STAT2: variants seen among roughly 807,000 people sequenced by gnomAD.
STAT2 encodes interferon alpha induced transcriptional activator.
A neutral mutation model predicts 122.3 loss-of-function variants in STAT2; 51 were observed. That is an observed-to-expected ratio of 0.42 (90% confidence interval 0.33 to 0.53). STAT2 has a LOEUF of 0.53. STAT2 is among the 20% of genes least tolerant of loss of function. The pLI is 0.10. For synonymous variants in STAT2, 351 were observed against 394.9 expected (o/e 0.89, Z 1.32); for missense variants, 736 against 1,010.3 (o/e 0.73, Z 3.68).
chr12:56,349,312 G>A, intron 15 of STAT2, 51 bp from the exon 16 acceptor site: 1 of 1,614,064 alleles, frequency 6.2e-7, no homozygotes, highest in Non-Finnish European at 8.5e-7. Context: ...TCTAGCTGCA[G>A]GTATTTGTTA....
In STAT2 at chr12:56,355,292, A is replaced by G. The variant is rs776737985; in HGVS notation, c.531T>C (p.Tyr177=). ...KDQQDVFCFR[Y]KIQAKGKTPS... is the part of the protein sequence containing the mutation. ...GCTTCCTACCTTTGGCCTGGATCTT[A>G]TATCGGAAGCAGAAGACATCCTGCT... Residue 177 remains tyrosine (Y), a synonymous_variant, in exon 6 of 24, where the codon TAT becomes TAC. Transcript: ENST00000314128. 21 of 1,614,142 alleles carry G rather than the reference A, an allele frequency of 1.3e-5. 1 individual carries two copies. In the South Asian group the frequency reaches 1.5e-4, roughly 12 times the overall value.
At chr12:56,357,026 AT>A (rs34402362) in intron 1 of STAT2, among the ~76,000 whole-genome samples, 22,786 of 66,000 alleles carry the variant, frequency 0.35, 3,610 homozygotes, top group East Asian at 0.59. Context: ...CCTAATCTGT[AT>A]TTTTTTTTTT....
chr12:56,355,222 T>G (rs1268812294), intron 6 of STAT2, 54 bp downstream of exon 6: 11 of 1,603,516 alleles, frequency 6.9e-6, no homozygotes, highest in Non-Finnish European at 6.8e-6. Context: ...CACTTCCAGC[T>G]CCGGCTTCTC....
intron 4 of STAT2, 39 bp downstream of exon 4, chr12:56,355,669 C>A (rs1879396427): frequency 6.2e-7 from 1 of 1,605,156 alleles, no homozygotes; most frequent in Non-Finnish European, 8.5e-7. Flanking sequence ...TTCCTCTCTA[C>A]TTCAGGAGTT....
chr12:56,344,687 A>G (rs1877085333), intron 22 of STAT2, among the ~76,000 whole-genome samples: 1 of 152,194 alleles, frequency 6.6e-6, no homozygotes, highest in African/African-American at 2.4e-5. Flanking sequence ...CCTGGCCAAC[A>G]TGGTGAAACC....
In STAT2 at chr12:56,343,382, G is replaced by C. The variant is rs200453329; in HGVS notation, c.*7C>G. ...GAGATATGAAAAGAACAGAGGAAAT[G>C]TGGTTCCTAGAAGTCAGAAGGCATC... On this transcript the variant is annotated 3_prime_UTR_variant, in exon 24 of 24. Transcript: ENST00000314128. 2.3e-5 allele frequency: 37 copies of C among 1,611,716 alleles called. No homozygotes were observed. The Middle Eastern group carries it at 9.9e-4, about 43-fold the overall frequency.
Position 56,348,521 on chromosome 12 carries a change from G to A in STAT2, c.1724+8C>T, listed in dbSNP as rs755109507. The stretch of plus-strand genomic sequence containing the variant: ...AAGCCCATGAGGGAAGGGTGACCAA[G>A]GCCTTACCCATCATTCCAGAGATCC... On this transcript the variant is annotated splice_region_variant and intron_variant, in intron 19 of 23. Coordinates refer to ENST00000314128, the MANE Select transcript of STAT2 (RefSeq NM_005419.4). 1.9e-6 allele frequency: 3 copies of A among 1,614,010 alleles called. No homozygotes were observed. The highest frequency in any genetic ancestry group is 2.5e-6 in the Non-Finnish European group (3 of 1,179,878).
At chr12:56,352,646 A>T (rs1251975997) in intron 8 of STAT2, among the ~76,000 whole-genome samples, 1 of 151,740 alleles carries the variant, frequency 6.6e-6, no homozygotes, top group African/African-American at 2.4e-5. Flanking sequence ...CCTGTACCAT[A>T]AGTACTATAT....
intron 1 of STAT2, 116 bp downstream of exon 1, chr12:56,359,941 TG>T: frequency 1.6e-6 from 1 of 608,978 alleles, no homozygotes; most frequent in Non-Finnish European, 2.1e-6. Context: ...TATTTCAATC[TG>T]GGGACCGAAG....
chr12:56,349,680 C>T (rs753795337), intron 13 of STAT2, 44 bp from the exon 14 acceptor site: 69 of 1,612,922 alleles, frequency 4.3e-5, no homozygotes, highest in Non-Finnish European at 5.5e-5. Flanking sequence ...AGTGGGCACC[C>T]TAGTGTCCCT....
At chr12:56,348,497 A>C in intron 19 of STAT2, 32 bp downstream of exon 19, 2 of 1,611,462 alleles carry the variant, frequency 1.2e-6, no homozygotes, top group South Asian at 1.1e-5. Context: ...GGAAAGCACA[A>C]GCCCATGAGG....
Position 56,346,621 on chromosome 12 carries a change from T to C in STAT2, c.1865A>G (p.Lys622Arg). The stretch of plus-strand genomic sequence containing the variant: ...CGGTTGCACAGAGTAGATGAGCACC[T>C]TGTCTGGAGAGTGAATGCAGGAACA... ...CSWVEHQDDD[K>R]VLIYSVQPYT... The change falls in exon 21 of 24, where the codon AAG becomes AGG. Residue 622 changes from lysine to arginine, a missense_variant. Transcript: ENST00000314128. The C allele has an allele frequency of 6.2e-7, 1 of 1,614,020 alleles. No homozygotes were observed. Among genetic ancestry groups the C allele is most frequent in the Non-Finnish European group, 8.5e-7 (1 of 1,179,952 alleles).
At chr12:56,351,231 T>C in intron 9 of STAT2, 41 bp from the exon 10 acceptor site, 3 of 1,611,608 alleles carry the variant, frequency 1.9e-6, no homozygotes, top group Non-Finnish European at 2.5e-6. Context: ...TAGCTCAGTA[T>C]CTGTAAGAAT....
intron 1 of STAT2, 62 bp downstream of exon 1, chr12:56,359,996 C>G (rs1372907914): frequency 1.0e-6 from 1 of 973,852 alleles, no homozygotes; most frequent in Non-Finnish European, 1.2e-6. Context: ...TCGCCCTTCC[C>G]TCGGAGGAAC....
intron 4 of STAT2, 61 bp from the exon 5 acceptor site, chr12:56,355,593 T>C: frequency 6.2e-7 from 1 of 1,604,618 alleles, no homozygotes; most frequent in East Asian, 2.2e-5. Flanking sequence ...AGTTCAGGCC[T>C]GAAATTATAC....
intron 17 of STAT2, 42 bp downstream of exon 17, chr12:56,348,882 G>T: frequency 6.2e-7 from 1 of 1,613,734 alleles, no homozygotes; most frequent in Non-Finnish European, 8.5e-7. Context: ...GGACAGAAAA[G>T]ACTAAGGCTG....
chr12:56,359,285 T>C (rs1279396914), intron 1 of STAT2, among the ~76,000 whole-genome samples: 1 of 151,984 alleles, frequency 6.6e-6, no homozygotes, highest in Admixed American at 6.6e-5. Context: ...GTTAAAAAAA[T>C]GATCAGGTGG....
At chr12:56,346,234 G>A in intron 21 of STAT2, 31 bp from the exon 22 acceptor site, 1 of 1,556,180 alleles carries the variant, frequency 6.4e-7, no homozygotes, top group Non-Finnish European at 8.9e-7. Flanking sequence ...AAGCAGAGAA[G>A]ATCAGTGGGC....
At chr12:56,344,729 G>A (rs1358388433) in intron 22 of STAT2, among the ~76,000 whole-genome samples, 2 of 152,106 alleles carry the variant, frequency 1.3e-5, no homozygotes, top group South Asian at 2.1e-4. Context: ...AAGTTAGGCC[G>A]GGTGCAGAGG....
Sources: allele counts gnomAD v4.1 joint callset (sites outside exome capture counted in the v4.1 genomes callset), GRCh38; gene constraint gnomAD v4.1.1; transcripts MANE v1.5; gene names NCBI Gene and HGNC (gene_info 2026-07-23, HGNC 2026-07-21).